The following NRXN1 variants were observed in gnomAD, a reference collection of about 807,000 sequenced individuals.
The protein encoded by NRXN1 is neurexin-1.
NRXN1 carries 39 observed loss-of-function variants against 150.9 expected under a neutral mutation model. That is an observed-to-expected ratio of 0.26 (90% CI 0.20 to 0.34). NRXN1 has a LOEUF of 0.34. NRXN1 is among the 10% of genes least tolerant of loss of function. The pLI, the probability that NRXN1 is intolerant of heterozygous loss-of-function variation, is 1.00. For synonymous variants in NRXN1, 924 were observed against 757.0 expected (o/e 1.22, Z -3.62); for missense variants, 1,815 against 1,949.9 (o/e 0.93, Z 1.30).
chr2:50,604,551 T>C (rs1676787580), intron 8 of NRXN1, among the ~76,000 whole-genome samples: 1 of 152,180 alleles, frequency 6.6e-6, no homozygotes, highest in South Asian at 2.1e-4. Flanking sequence ...AAACACATCA[T>C]TTATTATTTT....
chr2:50,826,659 G>A (rs1213359750), intron 5 of NRXN1, among the ~76,000 whole-genome samples: 3 of 152,102 alleles, frequency 2.0e-5, no homozygotes, highest in Non-Finnish European at 4.4e-5. Flanking sequence ...GGTGTATTTC[G>A]CTTGAACAAC....
chr2:50,730,101 G>A (rs1228427335), intron 5 of NRXN1, among the ~76,000 whole-genome samples: 2 of 152,104 alleles, frequency 1.3e-5, no homozygotes, highest in Non-Finnish European at 2.9e-5. Context: ...AAGCAGGCCA[G>A]TATCTAAAGG....
intron 5 of NRXN1, among the ~76,000 whole-genome samples, chr2:50,651,959 A>C (rs1156860727): frequency 6.6e-6 from 1 of 152,066 alleles, no homozygotes; most frequent in African/African-American, 2.4e-5. Context: ...TAGGGTCTTA[A>C]TGAGCTGCTC....
chr2:50,356,064 C>CAA (rs539688200), intron 17 of NRXN1, among the ~76,000 whole-genome samples: 1,572 of 143,310 alleles, frequency 0.011, 19 homozygotes, highest in African/African-American at 0.037. Flanking sequence ...TTCCATACTT[C>CAA]AAAAAAAAAA....
intron 18 of NRXN1, among the ~76,000 whole-genome samples, chr2:50,228,720 T>C (rs2064648854): frequency 6.6e-6 from 1 of 152,064 alleles, no homozygotes; most frequent in East Asian, 1.9e-4. Context: ...AACTTTTTTG[T>C]CTGTCAATCA....
intron 5 of NRXN1, among the ~76,000 whole-genome samples, chr2:50,835,265 T>C (rs1330476319): frequency 2.0e-5 from 3 of 152,060 alleles, no homozygotes; most frequent in African/African-American, 7.2e-5. Flanking sequence ...AGTAATATGA[T>C]ATAAAAGAAA....
intron 18 of NRXN1, among the ~76,000 whole-genome samples, chr2:50,112,842 TATA>T (rs1702557507): frequency 6.6e-6 from 1 of 152,038 alleles, no homozygotes; most frequent in African/African-American, 2.4e-5. Context: ...ACTCAATAAA[TATA>T]ATCTATTAAT....
chr2:50,738,847 A>C (rs1325362644), intron 5 of NRXN1, among the ~76,000 whole-genome samples: 1 of 152,176 alleles, frequency 6.6e-6, no homozygotes, highest in African/African-American at 2.4e-5. Flanking sequence ...CCAGAGGTTA[A>C]AGGGTAGCAT....
intron 2 of NRXN1, among the ~76,000 whole-genome samples, chr2:50,974,778 A>G (rs2104818913): frequency 6.6e-6 from 1 of 152,194 alleles, no homozygotes; most frequent in Admixed American, 6.6e-5. Flanking sequence ...TAAAAACTAC[A>G]GTGCCTAATA....
chr2:50,255,694 G>A (rs1442307132), intron 17 of NRXN1, among the ~76,000 whole-genome samples: 1 of 151,802 alleles, frequency 6.6e-6, no homozygotes, highest in African/African-American at 2.4e-5. Flanking sequence ...CCAGTTCTAG[G>A]GTCATTTTAA....
intron 5 of NRXN1, among the ~76,000 whole-genome samples, chr2:50,657,335 T>C (rs1048300754): frequency 6.6e-6 from 1 of 152,048 alleles, no homozygotes; most frequent in African/African-American, 2.4e-5. Context: ...TTCTAAGTCT[T>C]TGGTCCACTA....
intron 19 of NRXN1, among the ~76,000 whole-genome samples, chr2:50,057,947 A>C (rs1237284591): frequency 6.6e-6 from 1 of 152,166 alleles, no homozygotes; most frequent in Admixed American, 6.5e-5. Context: ...ATTGGTAAAC[A>C]TAGTTATTAT....
chr2:50,579,276 G>A (rs1021920571), intron 8 of NRXN1, among the ~76,000 whole-genome samples: 1 of 152,140 alleles, frequency 6.6e-6, no homozygotes, highest in African/African-American at 2.4e-5. Flanking sequence ...ATTACATTTT[G>A]TACTTTTATT....
At chr2:50,233,518 T>C (rs541361220) in intron 18 of NRXN1, among the ~76,000 whole-genome samples, 1 of 152,182 alleles carries the variant, frequency 6.6e-6, no homozygotes, top group Non-Finnish European at 1.5e-5. Context: ...TAAATAGCAG[T>C]ATATATTTCA....
intron 5 of NRXN1, among the ~76,000 whole-genome samples, chr2:50,812,723 A>AGTGTGTGTGT (rs143701404): frequency 4.1e-5 from 6 of 146,004 alleles, no homozygotes; most frequent in Admixed American, 3.5e-4. Flanking sequence ...AAATAATAAG[A>AGTGTGTGTGT]GTGTGTGTGT....
At chr2:51,004,693 G>A (rs1452950367) in intron 2 of NRXN1, among the ~76,000 whole-genome samples, 2 of 151,742 alleles carry the variant, frequency 1.3e-5, no homozygotes, top group Non-Finnish European at 2.9e-5. Context: ...AAGGGACTCG[G>A]GGGTATGATT....
chr2:50,885,478 T>C (rs1680090939), intron 5 of NRXN1, among the ~76,000 whole-genome samples: 2 of 151,308 alleles, frequency 1.3e-5, no homozygotes, highest in South Asian at 4.1e-4. Flanking sequence ...CCAACTACTA[T>C]TTTATACCTG....
chr2:50,633,954 T>C (rs910845148), intron 5 of NRXN1, among the ~76,000 whole-genome samples: 6 of 152,068 alleles, frequency 3.9e-5, no homozygotes, highest in Admixed American at 2.0e-4. Context: ...GATGATTAAA[T>C]TGAGATCTTA....
In NRXN1 at chr2:50,496,226, A is replaced by T. The variant is rs781640671; in HGVS notation, c.2880-131T>A. On this transcript the variant is annotated intron_variant, in intron 14 of 22. Coordinates refer to ENST00000401669, the MANE Select transcript of NRXN1 (RefSeq NM_001330078.2). ...ACTAGAAGTCATGACAATAAGTTAC[A>T]TAGAAACTCAGCTATCAAGAAGGTA... 7 of 607,372 alleles carry T rather than the reference A, an allele frequency of 1.2e-5. No individual in the cohort carries two copies. The African/African-American group carries it at 1.3e-4, about 11-fold the overall frequency. 37.6% of individuals were successfully genotyped at this position (607,372 alleles called of 1,614,324 possible). A position where few individuals can be genotyped will look rare whatever the true frequency, so the allele number is the denominator to read the frequency against.
Sources: allele counts gnomAD v4.1 joint callset (sites outside exome capture counted in the v4.1 genomes callset), GRCh38; gene constraint gnomAD v4.1.1; transcripts MANE v1.5; gene names NCBI Gene and HGNC (gene_info 2026-07-23, HGNC 2026-07-21).